Variants in RORA observed in about 807,000 individuals in gnomAD.
The protein encoded by RORA is RAR related orphan receptor A.
Under a neutral mutation model 69.5 loss-of-function variants are expected in RORA, and 7 were observed. The observed-to-expected ratio is 0.10, with a 90% CI of 0.06 to 0.19. RORA has a LOEUF of 0.19. Among genes scored for constraint, RORA ranks in the 10% least tolerant of loss-of-function variants. The probability of loss-of-function intolerance (pLI) is 1.00; values close to 1 mark genes in which losing one functional copy is unlikely to be tolerated. For synonymous variants in RORA, 261 were observed against 240.8 expected, an observed-to-expected ratio of 1.08 and a Z score of -0.78; for missense variants, 457 against 663.0, an observed-to-expected ratio of 0.69 and a Z score of 3.41.
At chr15:61,169,521 A>G (rs1326318358) in intron 1 of RORA, among the ~76,000 whole-genome samples, 2 of 151,340 alleles carry the variant, frequency 1.3e-5, no homozygotes, top group African/African-American at 4.9e-5. Flanking sequence ...TCCTCCTCAC[A>G]CGGGACGTAA....
intron 1 of RORA, among the ~76,000 whole-genome samples, chr15:61,173,812 G>A (rs1048534792): frequency 3.3e-5 from 5 of 152,126 alleles, no homozygotes; most frequent in African/African-American, 1.2e-4. Flanking sequence ...TGTGGGGCCT[G>A]TGCCACCGTG....
intron 2 of RORA, among the ~76,000 whole-genome samples, chr15:60,672,591 A>C (rs1271414321): frequency 6.6e-6 from 1 of 152,206 alleles, no homozygotes; most frequent in African/African-American, 2.4e-5. Context: ...TGTGTGCACA[A>C]GGGGGCAATC....
intron 2 of RORA, among the ~76,000 whole-genome samples, chr15:60,620,196 A>C (rs897442465): frequency 6.6e-6 from 1 of 152,240 alleles, no homozygotes; most frequent in Non-Finnish European, 1.5e-5. Context: ...TTACAGATGG[A>C]TCTGAATAAT....
At chr15:60,859,317 C>T (rs1020058236) in intron 1 of RORA, among the ~76,000 whole-genome samples, 11 of 152,034 alleles carry the variant, frequency 7.2e-5, no homozygotes, top group African/African-American at 1.4e-4. Flanking sequence ...TTTGGCATGG[C>T]GCTTTGCACC....
At chr15:60,993,293 T>C (rs1894436445) in intron 1 of RORA, among the ~76,000 whole-genome samples, 1 of 152,150 alleles carries the variant, frequency 6.6e-6, no homozygotes, top group Admixed American at 6.5e-5. Context: ...GTGGGGAAGG[T>C]ATTACTGTCC....
intron 1 of RORA, among the ~76,000 whole-genome samples, chr15:61,053,038 T>C (rs1385567535): frequency 6.6e-6 from 1 of 152,234 alleles, no homozygotes; most frequent in Non-Finnish European, 1.5e-5. Flanking sequence ...ATCTATTTTA[T>C]TGATTAAAGA....
At chr15:61,145,517 C>A (rs2079338275) in intron 1 of RORA, among the ~76,000 whole-genome samples, 1 of 152,160 alleles carries the variant, frequency 6.6e-6, no homozygotes, top group African/African-American at 2.4e-5. Context: ...TGTAAGCAAC[C>A]ACTGGTAACC....
chr15:60,627,192 A>G (rs781185487), intron 2 of RORA: 2 of 1,558,032 alleles, frequency 1.3e-6, no homozygotes, highest in Non-Finnish European at 1.8e-6. Flanking sequence ...GGGGGAGGGT[A>G]CACAGTGATC....
At chr15:60,812,644 C>T (rs958717908) in intron 1 of RORA, among the ~76,000 whole-genome samples, 30 of 152,188 alleles carry the variant, frequency 2.0e-4, no homozygotes, top group African/African-American at 7.2e-4. Flanking sequence ...TTAGGAATAA[C>T]ATCAATAAAT....
chr15:60,623,520 A>T (rs1162762114), intron 2 of RORA, among the ~76,000 whole-genome samples: 1 of 152,222 alleles, frequency 6.6e-6, no homozygotes. Context: ...CCATGAAAGC[A>T]CCATGAGGTA....
At chr15:60,530,113 C>T (rs1247734768) in intron 3 of RORA, 2 of 152,202 alleles carry the variant, frequency 1.3e-5, no homozygotes, top group Non-Finnish European at 2.9e-5. Context: ...ACCAGGGACA[C>T]AGATTTGGGA....
intron 1 of RORA, among the ~76,000 whole-genome samples, chr15:61,004,987 T>C (rs908946754): frequency 6.6e-6 from 1 of 152,216 alleles, no homozygotes. Context: ...GGAGTTAAAT[T>C]AGGCAACATG....
intron 2 of RORA, among the ~76,000 whole-genome samples, chr15:60,621,313 A>G (rs1007129726): frequency 1.1e-4 from 17 of 152,142 alleles, no homozygotes; most frequent in Admixed American, 2.6e-4. Flanking sequence ...CTAAGCATCA[A>G]TTATCTGTCA....
At chr15:60,808,163 C>T (rs1165444358) in intron 1 of RORA, among the ~76,000 whole-genome samples, 1 of 150,712 alleles carries the variant, frequency 6.6e-6, no homozygotes, top group Non-Finnish European at 1.5e-5. Context: ...AGAAAATCTT[C>T]ACAGTGTATA....
intron 1 of RORA, among the ~76,000 whole-genome samples, chr15:61,115,662 T>G (rs1289713551): frequency 6.6e-6 from 1 of 152,148 alleles, no homozygotes; most frequent in Non-Finnish European, 1.5e-5. Flanking sequence ...CGGTACCACA[T>G]GGTTTGGGGG....
intron 1 of RORA, among the ~76,000 whole-genome samples, chr15:60,890,558 G>A (rs1391738339): frequency 6.6e-6 from 1 of 152,196 alleles, no homozygotes; most frequent in Non-Finnish European, 1.5e-5. Context: ...AGCCACCATC[G>A]CCCTGCTCGG....
intron 3 of RORA, among the ~76,000 whole-genome samples, chr15:60,522,410 C>G (rs1377206119): frequency 6.6e-6 from 1 of 152,010 alleles, no homozygotes; most frequent in Non-Finnish European, 1.5e-5. Context: ...GCTTTATTGT[C>G]TAGATTTAAA....
chr15:60,995,621 C>A (rs1894509881), intron 1 of RORA, among the ~76,000 whole-genome samples: 1 of 152,214 alleles, frequency 6.6e-6, no homozygotes, highest in Admixed American at 6.5e-5. Context: ...TAGCCCAACT[C>A]AAGACCCCCT....
chr15:60,834,781 C>T (rs970787435), intron 1 of RORA, among the ~76,000 whole-genome samples: 8 of 152,260 alleles, frequency 5.3e-5, no homozygotes, highest in South Asian at 2.1e-4. Flanking sequence ...AGTGACACAG[C>T]GACCCCTCGA....
Sources: gnomAD v4.1 joint callset for allele counts (sites outside exome capture counted in the v4.1 genomes callset) on GRCh38, gnomAD v4.1.1 for gene constraint, MANE v1.5 for transcripts, NCBI Gene and HGNC (gene_info 2026-07-23, HGNC 2026-07-21) for gene names.